Variants in NKAIN1 observed in about 807,000 individuals in gnomAD.
The protein encoded by NKAIN1 is sodium/potassium transporting ATPase interacting 1.
In NKAIN1, 13 loss-of-function variants were observed where a neutral mutation model predicts 31.6. The ratio of observed to expected loss-of-function variants is 0.41; its 90% CI spans 0.27 to 0.65. The LOEUF (loss-of-function observed/expected upper bound fraction) is 0.65. Ranked by LOEUF, NKAIN1 falls within the 30% of genes least tolerant of loss-of-function variation. NKAIN1 has a pLI of 0.30. For missense variants in NKAIN1, 193 were observed against 262.2 expected, an observed-to-expected ratio of 0.74 and a Z score of 1.82; for synonymous variants, 104 against 109.0, an observed-to-expected ratio of 0.95 and a Z score of 0.28.
Position 31,188,091 on chromosome 1 carries a change from T to G in NKAIN1, c.151A>C (p.Ile51Leu). 2 of 1,553,612 alleles carry G rather than the reference T, an allele frequency of 1.3e-6. No individual in the cohort carries two copies. The highest frequency in any genetic ancestry group is 1.7e-6 in the Non-Finnish European group (2 of 1,148,132). ...GAGCGGTACTGCACGGTGCCAAAGA[T>G]GCCCAGGATGACTGCCATGATGTGC... ...FLHIMAVILGIFGTVQYRSRY... is the reference protein window; with the variant it reads ...FLHIMAVILGLFGTVQYRSRY... The change falls in exon 2 of 7, where the codon ATC becomes CTC. Residue 51 changes from isoleucine to leucine, a missense_variant. By Grantham distance (5) the Ile-to-Leu change is conservative (BLOSUM62 2). Transcript: ENST00000373736.
intron 1 of NKAIN1, among the ~76,000 whole-genome samples, chr1:31,228,768 A>C (rs1406553144): frequency 1.3e-5 from 2 of 152,128 alleles, no homozygotes; most frequent in Non-Finnish European, 2.9e-5. Flanking sequence ...TAATTAAAAA[A>C]AATTTTTTTT....
At chr1:31,197,402 CGT>C (rs1645337571) in intron 1 of NKAIN1, among the ~76,000 whole-genome samples, 1 of 151,924 alleles carries the variant, frequency 6.6e-6, no homozygotes, top group Non-Finnish European at 1.5e-5. Flanking sequence ...TGAGCTACCA[CGT>C]CTGGCCTAAT....
chr1:31,239,450 C>T lies in NKAIN1; in HGVS notation c.54+44G>A, dbSNP rs1300280078. ...CCGCACGCCCTGGGACCGCGCCCCGCCGCGCCCCACCCTGCCCCGACTGCC... is the reference window on the plus strand; with the variant it reads ...CCGCACGCCCTGGGACCGCGCCCCGTCGCGCCCCACCCTGCCCCGACTGCC... On this transcript the variant is annotated intron_variant, in intron 1 of 6. Coordinates refer to ENST00000373736, the MANE Select transcript of NKAIN1 (RefSeq NM_024522.3). The surrounding 1 kb of genome is among the most constrained non-coding windows in gnomAD (Gnocchi z 4.8). 24 of 1,416,984 alleles carry T rather than the reference C, an allele frequency of 1.7e-5. No homozygotes were observed. The highest frequency in any genetic ancestry group is 2.1e-5 in the Non-Finnish European group (23 of 1,085,280). 87.8% of individuals were successfully genotyped at this position (1,416,984 alleles called of 1,614,324 possible).
intron 1 of NKAIN1, among the ~76,000 whole-genome samples, chr1:31,223,613 G>T (rs1387925463): frequency 6.6e-6 from 1 of 151,922 alleles, no homozygotes; most frequent in East Asian, 2.0e-4. Context: ...CCCAGCTAAT[G>T]TTTTGTATTT....
chr1:31,219,071 G>A (rs889181005), intron 1 of NKAIN1, among the ~76,000 whole-genome samples: 1 of 152,224 alleles, frequency 6.6e-6, no homozygotes, highest in African/African-American at 2.4e-5. Flanking sequence ...CACCAATGCG[G>A]GTCTACCCCT....
intron 3 of NKAIN1, 24 bp downstream of exon 3, chr1:31,185,223 G>A: frequency 6.3e-7 from 1 of 1,590,172 alleles, no homozygotes; most frequent in African/African-American, 1.3e-5. Context: ...TCTGCCCTAT[G>A]GCACTGCCAG....
intron 1 of NKAIN1, among the ~76,000 whole-genome samples, chr1:31,214,805 C>T (rs532703353): frequency 3.9e-5 from 6 of 152,146 alleles, no homozygotes; most frequent in Non-Finnish European, 8.8e-5. Context: ...TAATAGCAGG[C>T]GCTGGAGAGG....
chr1:31,206,992 C>T (rs1246722077), intron 1 of NKAIN1, among the ~76,000 whole-genome samples: 1 of 152,184 alleles, frequency 6.6e-6, no homozygotes, highest in Non-Finnish European at 1.5e-5. Flanking sequence ...GCCTCAGCCT[C>T]CCAAAGTGCT....
chr1:31,201,878 C>T (rs1645382976), intron 1 of NKAIN1, among the ~76,000 whole-genome samples: 1 of 152,218 alleles, frequency 6.6e-6, no homozygotes, highest in African/African-American at 2.4e-5. Flanking sequence ...CTGGAGGTGC[C>T]TTCCACCCTG....
chr1:31,216,027 G>A (rs555756708), intron 1 of NKAIN1, among the ~76,000 whole-genome samples: 3 of 152,082 alleles, frequency 2.0e-5, no homozygotes, highest in South Asian at 4.2e-4. Flanking sequence ...AAACCCAAGT[G>A]GTCTGGTCCC....
At chr1:31,182,917 C>T (rs1212378180) in intron 4 of NKAIN1, among the ~76,000 whole-genome samples, 1 of 151,952 alleles carries the variant, frequency 6.6e-6, no homozygotes, top group Non-Finnish European at 1.5e-5. Context: ...CAGGGCTGGC[C>T]CTTCTAGAAA....
intron 1 of NKAIN1, among the ~76,000 whole-genome samples, chr1:31,191,926 C>A (rs1463326635): frequency 6.6e-6 from 1 of 152,188 alleles, no homozygotes; most frequent in Non-Finnish European, 1.5e-5. Flanking sequence ...CAGGCATGTG[C>A]CATCACATCT....
rs1645418307 is a variant in NKAIN1 at position 31,205,663 on chromosome 1, G to C, written c.55-17476C>G. Among the ~76,000 whole-genome samples, 6 of 129,888 alleles carry C rather than the reference G, an allele frequency of 4.6e-5. No homozygotes were observed. The South Asian group carries it at 1.5e-3, about 33-fold the overall frequency. The allele number at this position is 129,888 out of a possible 152,430, so 85.2% of individuals were successfully genotyped here. A position where few individuals can be genotyped will look rare whatever the true frequency, so the allele number is the denominator to read the frequency against. On this transcript the variant is annotated intron_variant, in intron 1 of 6. Transcript: ENST00000373736. ...GATGGAGTCTCACTCTGTCACCCAGGCTAGAGTGCAGTGGCACGATCTCGG... is the reference window on the plus strand; with the variant it reads ...GATGGAGTCTCACTCTGTCACCCAGCCTAGAGTGCAGTGGCACGATCTCGG...
At chr1:31,185,647 T>C (rs1415485047) in intron 2 of NKAIN1, among the ~76,000 whole-genome samples, 1 of 152,174 alleles carries the variant, frequency 6.6e-6, no homozygotes, top group African/African-American at 2.4e-5. Flanking sequence ...CCATCCACTG[T>C]GCTAACAACA....
At chr1:31,209,003 A>C (rs1557656822) in intron 1 of NKAIN1, among the ~76,000 whole-genome samples, 1 of 152,196 alleles carries the variant, frequency 6.6e-6, no homozygotes, top group Non-Finnish European at 1.5e-5. Flanking sequence ...GGGAGCCATC[A>C]AGCTCTCCCT....
At chr1:31,201,457 C>T (rs755367306) in intron 1 of NKAIN1, among the ~76,000 whole-genome samples, 3 of 149,578 alleles carry the variant, frequency 2.0e-5, no homozygotes, top group Non-Finnish European at 4.4e-5. Flanking sequence ...TTTCCGGGTT[C>T]ACGCCATCCT....
intron 1 of NKAIN1, among the ~76,000 whole-genome samples, chr1:31,231,005 C>A (rs995596161): frequency 6.6e-6 from 1 of 151,534 alleles, no homozygotes; most frequent in Non-Finnish European, 1.5e-5. Flanking sequence ...GTCTTAGCCT[C>A]CTGAGTAGCT....
chr1:31,224,026 T>A (rs1279122471), intron 1 of NKAIN1, among the ~76,000 whole-genome samples: 1 of 152,182 alleles, frequency 6.6e-6, no homozygotes, highest in Non-Finnish European at 1.5e-5. Flanking sequence ...CAGACAGCTC[T>A]CCTCCCTAGC....
At chr1:31,234,979 C>T (rs908596930) in intron 1 of NKAIN1, among the ~76,000 whole-genome samples, 1 of 152,286 alleles carries the variant, frequency 6.6e-6, no homozygotes, top group Middle Eastern at 3.4e-3. Flanking sequence ...ATCTACCCCA[C>T]TGTGTGGAAT....
Sources: gnomAD v4.1 joint callset for allele counts (sites outside exome capture counted in the v4.1 genomes callset) on GRCh38, gnomAD v4.1.1 for gene constraint, Gnocchi (gnomAD v3.1) non-coding constraint, MANE v1.5 for transcripts, NCBI Gene and HGNC (gene_info 2026-07-23, HGNC 2026-07-21) for gene names.